GPC3: variants seen among roughly 807,000 people sequenced by gnomAD.
The protein encoded by GPC3 is glypican-3.
Under a neutral mutation model 34.4 loss-of-function variants are expected in GPC3, and 3 were observed. That is an observed-to-expected ratio of 0.09 (90% confidence interval 0.04 to 0.23). The LOEUF is 0.23. Among genes scored for constraint, GPC3 ranks in the 10% least tolerant of loss-of-function variants. The pLI, the probability that GPC3 is intolerant of heterozygous loss-of-function variation, is 1.00. For missense variants in GPC3, 351 were observed against 445.6 expected, an observed-to-expected ratio of 0.79 and a Z score of 1.91; for synonymous variants, 177 against 174.0, an observed-to-expected ratio of 1.02 and a Z score of -0.13.
chrX:133,683,352 C>G (rs767869832), intron 5 of GPC3, among the ~76,000 whole-genome samples: 1 of 112,075 alleles, frequency 8.9e-6, no homozygotes, highest in Non-Finnish European at 1.9e-5. Flanking sequence ...CTAAGCCTTC[C>G]AGGCTAAAAT....
At chrX:133,819,295 C>T (rs2124534028) in intron 2 of GPC3, among the ~76,000 whole-genome samples, 1 of 106,932 alleles carries the variant, frequency 9.4e-6, no homozygotes, top group Non-Finnish European at 1.9e-5. Flanking sequence ...TCTCATTAAA[C>T]TAGACTCCCA....
chrX:133,733,774 ACAAATTAGATAG>A (rs1398952732), intron 3 of GPC3, among the ~76,000 whole-genome samples: 1 of 112,136 alleles, frequency 8.9e-6, no homozygotes, highest in Non-Finnish European at 1.9e-5. Flanking sequence ...CTGTATGCCA[ACAAATTAGATAG>A]CAGATGTGAA....
chrX:133,915,137 T>C (rs1415768821), intron 2 of GPC3, among the ~76,000 whole-genome samples: 4 of 108,714 alleles, frequency 3.7e-5, no homozygotes, highest in Non-Finnish European at 5.7e-5. Context: ...TGATTAACAG[T>C]CACAACACCA....
At chrX:133,884,302 G>A (rs1017288547) in intron 2 of GPC3, among the ~76,000 whole-genome samples, 44 of 111,574 alleles carry the variant, frequency 3.9e-4, no homozygotes, top group African/African-American at 1.2e-3. Flanking sequence ...TGAACAAGTC[G>A]TCTCTACTTC....
At chrX:133,550,831 G>A (rs2069427321) in intron 7 of GPC3, among the ~76,000 whole-genome samples, 1 of 112,127 alleles carries the variant, frequency 8.9e-6, no homozygotes, top group Non-Finnish European at 1.9e-5. Flanking sequence ...CAGGGCTCAA[G>A]CCCTGACCTC....
intron 7 of GPC3, among the ~76,000 whole-genome samples, chrX:133,553,109 G>A (rs1007138936): frequency 2.7e-5 from 3 of 111,062 alleles, no homozygotes; most frequent in African/African-American, 9.7e-5. Flanking sequence ...AATTAAGTAG[G>A]GCCATTGACA....
chrX:133,840,112 C>A (rs1030931034), intron 2 of GPC3, among the ~76,000 whole-genome samples: 3 of 110,651 alleles, frequency 2.7e-5, no homozygotes, highest in Non-Finnish European at 1.9e-5. Flanking sequence ...TGATTTTCGG[C>A]AAGTCACATA....
At chrX:133,830,315 G>GA (rs769299525) in intron 2 of GPC3, among the ~76,000 whole-genome samples, 1 of 111,843 alleles carries the variant, frequency 8.9e-6, no homozygotes, top group Non-Finnish European at 1.9e-5. Flanking sequence ...AATTACTTGT[G>GA]AAAAAATAAT....
At chrX:133,549,193 C>G (rs2069411091) in intron 7 of GPC3, among the ~76,000 whole-genome samples, 1 of 110,903 alleles carries the variant, frequency 9.0e-6, no homozygotes. Context: ...CTGTCCATTT[C>G]TCCTCTTTCC....
chrX:133,892,751 G>C (rs1010438408), intron 2 of GPC3, among the ~76,000 whole-genome samples: 1 of 110,405 alleles, frequency 9.1e-6, no homozygotes, highest in African/African-American at 3.3e-5. Context: ...ATACCTTGGA[G>C]AGGACTAAAG....
intron 6 of GPC3, among the ~76,000 whole-genome samples, chrX:133,632,865 T>C (rs972333184): frequency 2.7e-5 from 3 of 111,645 alleles, no homozygotes; most frequent in African/African-American, 9.8e-5. Context: ...AGGATGTGTA[T>C]ATGTCTCTGT....
At chrX:133,610,527 T>A (rs1261566459) in intron 6 of GPC3, among the ~76,000 whole-genome samples, 1 of 110,316 alleles carries the variant, frequency 9.1e-6, no homozygotes, top group Non-Finnish European at 1.9e-5. Flanking sequence ...CAATTAACAT[T>A]TTGTTAAATA....
At chrX:133,879,970 T>C (rs1169554593) in intron 2 of GPC3, among the ~76,000 whole-genome samples, 1 of 111,461 alleles carries the variant, frequency 9.0e-6, no homozygotes, top group African/African-American at 3.3e-5. Flanking sequence ...TACAACCCCC[T>C]AAAACTGAAT....
At chrX:133,911,718 T>C (rs1386749745) in intron 2 of GPC3, among the ~76,000 whole-genome samples, 1 of 111,722 alleles carries the variant, frequency 9.0e-6, no homozygotes, top group Non-Finnish European at 1.9e-5. Flanking sequence ...ACTCCTCCCA[T>C]TGAAAATGAT....
chrX:133,715,930 A>G (rs1207298323), intron 3 of GPC3, among the ~76,000 whole-genome samples: 1 of 111,430 alleles, frequency 9.0e-6, no homozygotes, highest in Non-Finnish European at 1.9e-5. Context: ...AGGGTCTTCA[A>G]CTGCTAGGCT....
In GPC3 at chrX:133,582,518, A is replaced by G. The variant is rs753864441; in HGVS notation, c.1573+13922T>C. On this transcript the variant is annotated intron_variant, in intron 7 of 7. Coordinates refer to ENST00000370818, the MANE Select transcript of GPC3 (RefSeq NM_004484.4). ...TGCTATTTATTGCTAATCTGCAAGA[A>G]GATAAGTACAGACATTGAAAATAAG... Among the ~76,000 whole-genome samples the G allele has an allele frequency of 3.6e-5, 4 of 112,621 alleles. No homozygotes were observed. In the East Asian group the frequency reaches 1.1e-3, roughly 31 times the overall value.
chrX:133,799,399 A>T (rs1481987576), intron 2 of GPC3, among the ~76,000 whole-genome samples: 1 of 111,093 alleles, frequency 9.0e-6, no homozygotes, highest in Non-Finnish European at 1.9e-5. Flanking sequence ...CTCAAAAAAA[A>T]GTCCTGAAGC....
chrX:133,851,430 T>C (rs1178506012), intron 2 of GPC3, among the ~76,000 whole-genome samples: 3 of 112,133 alleles, frequency 2.7e-5, no homozygotes, highest in Non-Finnish European at 3.8e-5. Flanking sequence ...AGTATTTTCC[T>C]GTATCTATTT....
chrX:133,881,005 A>C (rs1252490581), intron 2 of GPC3, among the ~76,000 whole-genome samples: 1 of 112,283 alleles, frequency 8.9e-6, no homozygotes, highest in African/African-American at 3.2e-5. Context: ...TTTTTAAAGT[A>C]ATTAACCAAT....
Sources: gnomAD v4.1 joint callset for allele counts (sites outside exome capture counted in the v4.1 genomes callset) on GRCh38, gnomAD v4.1.1 for gene constraint, MANE v1.5 for transcripts, NCBI Gene and HGNC (gene_info 2026-07-23, HGNC 2026-07-21) for gene names.